Variants in LRMDA observed in about 807,000 individuals in gnomAD.
The protein encoded by LRMDA is leucine-rich melanocyte differentiation-associated protein.
A neutral mutation model predicts 29.8 loss-of-function variants in LRMDA; 18 were observed. The ratio of observed to expected loss-of-function variants is 0.60; its 90% CI spans 0.42 to 0.90. LRMDA has a LOEUF of 0.90. LRMDA is among the 40% of genes least tolerant of loss of function. LRMDA has a pLI of 0.00. For synonymous variants in LRMDA, 125 were observed against 109.4 expected (o/e 1.14, Z -0.89); for missense variants, 273 against 273.9 (o/e 1.00, Z 0.02).
At chr10:75,644,877 G>GA (rs1841496765) in intron 2 of LRMDA, among the ~76,000 whole-genome samples, 2 of 152,002 alleles carry the variant, frequency 1.3e-5, no homozygotes, top group African/African-American at 2.4e-5. Context: ...TGTCCTAATT[G>GA]AAAAAATGAA....
chr10:76,004,318 G>A lies in LRMDA; in HGVS notation c.132-31690G>A, dbSNP rs372528196. On this transcript the variant is annotated intron_variant, in intron 2 of 6. Transcript: ENST00000611255. The stretch of plus-strand genomic sequence containing the variant: ...TTCACTTATAGCTGTAATCAAAGTA[G>A]ACCATATTTTCTGAACCAGCAGATG... 2.1e-4 allele frequency among the ~76,000 whole-genome samples: 32 copies of A among 152,324 alleles called. No individual in the cohort carries two copies. The East Asian group carries it at 3.3e-3, about 16-fold the overall frequency.
At chr10:76,186,401 T>G (rs909516675) in intron 5 of LRMDA, among the ~76,000 whole-genome samples, 1 of 152,242 alleles carries the variant, frequency 6.6e-6, no homozygotes, top group African/African-American at 2.4e-5. Flanking sequence ...AACATGCTTT[T>G]CAGGGTTGGC....
At chr10:75,922,016 G>A (rs534419117) in intron 2 of LRMDA, among the ~76,000 whole-genome samples, 13 of 151,642 alleles carry the variant, frequency 8.6e-5, no homozygotes, top group African/African-American at 1.9e-4. Flanking sequence ...TATCTCTTTC[G>A]TTTTCTTCCA....
intron 5 of LRMDA, among the ~76,000 whole-genome samples, chr10:76,143,199 A>G (rs1259382027): frequency 2.0e-5 from 3 of 152,180 alleles, no homozygotes; most frequent in South Asian, 2.1e-4. Context: ...TCCTTTGGGT[A>G]TATACCTAGT....
intron 5 of LRMDA, among the ~76,000 whole-genome samples, chr10:76,212,528 A>C (rs890746174): frequency 2.6e-5 from 4 of 152,204 alleles, no homozygotes; most frequent in African/African-American, 9.7e-5. Flanking sequence ...AAAAGTATGA[A>C]TATTACCAAT....
intron 2 of LRMDA, among the ~76,000 whole-genome samples, chr10:75,744,748 G>A (rs1343614280): frequency 6.6e-6 from 1 of 152,184 alleles, no homozygotes; most frequent in Non-Finnish European, 1.5e-5. Flanking sequence ...ACCTGAAAAT[G>A]TGGCCATTGA....
intron 2 of LRMDA, among the ~76,000 whole-genome samples, chr10:75,753,159 G>C (rs1842987904): frequency 6.6e-6 from 1 of 152,118 alleles, no homozygotes; most frequent in Admixed American, 6.5e-5. Context: ...CATTTTTAAA[G>C]CCCTACAAAG....
At chr10:76,379,297 G>T (rs550640280) in intron 6 of LRMDA, among the ~76,000 whole-genome samples, 55 of 151,840 alleles carry the variant, frequency 3.6e-4, no homozygotes, top group African/African-American at 1.1e-3. Context: ...CTTTCACTAC[G>T]ATTGGTGCCA....
intron 6 of LRMDA, among the ~76,000 whole-genome samples, chr10:76,483,854 A>G (rs1189054826): frequency 1.3e-5 from 2 of 151,898 alleles, no homozygotes; most frequent in African/African-American, 4.8e-5. Context: ...TATTGTCCAC[A>G]TGGATAGCTA....
At chr10:76,130,609 T>G (rs1447523207) in intron 5 of LRMDA, among the ~76,000 whole-genome samples, 2 of 152,204 alleles carry the variant, frequency 1.3e-5, no homozygotes, top group Non-Finnish European at 2.9e-5. Flanking sequence ...TTTGCACGAC[T>G]ATTGTGATAA....
At chr10:76,538,125 T>C (rs1269020104) in intron 6 of LRMDA, among the ~76,000 whole-genome samples, 1 of 152,186 alleles carries the variant, frequency 6.6e-6, no homozygotes, top group Non-Finnish European at 1.5e-5. Context: ...TTTTTTTCTG[T>C]TTGTATTCAG....
intron 2 of LRMDA, among the ~76,000 whole-genome samples, chr10:76,032,778 C>G (rs553201065): frequency 6.6e-6 from 1 of 152,194 alleles, no homozygotes; most frequent in South Asian, 2.1e-4. Context: ...GTGCCTAGGT[C>G]CTGGGTGAAC....
chr10:75,483,892 G>A (rs1844880994), intron 2 of LRMDA, among the ~76,000 whole-genome samples: 1 of 52,508 alleles, frequency 1.9e-5, no homozygotes, highest in South Asian at 6.0e-4. Flanking sequence ...TGATTTTTCA[G>A]GTAGTATTAC....
chr10:75,784,052 A>G (rs945598755), intron 2 of LRMDA, among the ~76,000 whole-genome samples: 1 of 152,232 alleles, frequency 6.6e-6, no homozygotes, highest in Non-Finnish European at 1.5e-5. Context: ...GGCCAGGGAC[A>G]CTTGGTTTTT....
chr10:76,216,631 T>A (rs1851733120), intron 5 of LRMDA, among the ~76,000 whole-genome samples: 1 of 152,196 alleles, frequency 6.6e-6, no homozygotes, highest in South Asian at 2.1e-4. Flanking sequence ...TAGACAAGAC[T>A]GGCAAAATTT....
In LRMDA at chr10:76,206,460, C is replaced by A. The variant is rs1851539416; in HGVS notation, c.517-117941C>A. Among the ~76,000 whole-genome samples, 3 of 152,158 alleles carry A rather than the reference C, an allele frequency of 2.0e-5. No homozygotes were observed. The South Asian group carries it at 6.2e-4, about 31-fold the overall frequency. On this transcript the variant is annotated intron_variant, in intron 5 of 6. Transcript: ENST00000611255. ...ACAGGAAAGTATGCATGTCTGTTTT[C>A]CTTTCTGGACTGGGAACTCCTGGAG...
chr10:76,219,894 G>T (rs912220513), intron 5 of LRMDA, among the ~76,000 whole-genome samples: 32 of 152,218 alleles, frequency 2.1e-4, no homozygotes, highest in African/African-American at 7.2e-4. Flanking sequence ...AAATGTAAAA[G>T]ATCAGAAATT....
At chr10:75,906,027 A>T (rs1845753267) in intron 2 of LRMDA, among the ~76,000 whole-genome samples, 1 of 151,004 alleles carries the variant, frequency 6.6e-6, no homozygotes, top group South Asian at 2.1e-4. Context: ...GGTCAGAAGA[A>T]CCTCATCCTA....
intron 5 of LRMDA, among the ~76,000 whole-genome samples, chr10:76,133,693 A>T (rs1022275675): frequency 2.0e-5 from 3 of 152,220 alleles, no homozygotes; most frequent in African/African-American, 7.2e-5. Flanking sequence ...CTTCGCCTGC[A>T]GGGTTTGCAT....
Sources: allele counts gnomAD v4.1 joint callset (sites outside exome capture counted in the v4.1 genomes callset), GRCh38; gene constraint gnomAD v4.1.1; transcripts MANE v1.5; gene names NCBI Gene and HGNC (gene_info 2026-07-23, HGNC 2026-07-21).